ALG5: variants seen among roughly 807,000 people sequenced by gnomAD.
The protein encoded by ALG5 is dolichyl-phosphate beta-glucosyltransferase.
In ALG5, 26 loss-of-function variants were observed where a neutral mutation model predicts 51.8. The ratio of observed to expected loss-of-function variants is 0.50; its 90% CI spans 0.37 to 0.70. ALG5 has a LOEUF of 0.70. Ranked by LOEUF, ALG5 falls within the 30% of genes least tolerant of loss-of-function variation. The probability of loss-of-function intolerance (pLI) is 0.00; values close to 1 mark genes in which losing one functional copy is unlikely to be tolerated. For synonymous variants in ALG5, 141 were observed against 136.1 expected, an observed-to-expected ratio of 1.04 and a Z score of -0.25; for missense variants, 311 against 399.3, an observed-to-expected ratio of 0.78 and a Z score of 1.88.
chr13:36,996,531 G>A (rs770155863), intron 1 of ALG5, among the ~76,000 whole-genome samples: 6 of 151,968 alleles, frequency 3.9e-5, no homozygotes, highest in Non-Finnish European at 7.4e-5. Context: ...GGCTCTCAGT[G>A]GCCTATGATG....
At chr13:36,965,023 C>G (rs2058886226) in intron 8 of ALG5, among the ~76,000 whole-genome samples, 1 of 151,840 alleles carries the variant, frequency 6.6e-6, no homozygotes, top group East Asian at 1.9e-4. Context: ...ATATAAAACA[C>G]TTTTTCAAGA....
At chr13:36,992,034 A>G (rs2059027753) in intron 4 of ALG5, among the ~76,000 whole-genome samples, 1 of 152,198 alleles carries the variant, frequency 6.6e-6, no homozygotes, top group East Asian at 1.9e-4. Context: ...GAGACTGAAA[A>G]TGATATGGAT....
intron 4 of ALG5, 108 bp downstream of exon 4, chr13:36,993,496 G>A: frequency 1.1e-6 from 1 of 890,130 alleles, no homozygotes; most frequent in Non-Finnish European, 1.9e-6. Context: ...AATGGAGAGT[G>A]TTAGGCACAG....
At chr13:36,951,818 C>G (rs1245592128) in intron 9 of ALG5, among the ~76,000 whole-genome samples, 1 of 152,154 alleles carries the variant, frequency 6.6e-6, no homozygotes, top group East Asian at 1.9e-4. Context: ...TGGAGTTTCA[C>G]TCGTTGCCCA....
intron 8 of ALG5, among the ~76,000 whole-genome samples, chr13:36,964,686 G>A (rs1283995729): frequency 1.3e-5 from 2 of 151,982 alleles, no homozygotes; most frequent in African/African-American, 2.4e-5. Flanking sequence ...GTCTGTAATC[G>A]CAGCACTTTG....
At chr13:36,950,851 G>T (rs576416730) in intron 9 of ALG5, among the ~76,000 whole-genome samples, 2 of 152,150 alleles carry the variant, frequency 1.3e-5, no homozygotes, top group East Asian at 3.9e-4. Context: ...CTCCCAAAGT[G>T]CTGGGATTAC....
At chr13:36,960,735 G>T (rs576669809) in intron 8 of ALG5, among the ~76,000 whole-genome samples, 1 of 151,116 alleles carries the variant, frequency 6.6e-6, no homozygotes, top group Non-Finnish European at 1.5e-5. Flanking sequence ...TCCACCTCCC[G>T]GGTTCAAGTG....
chr13:36,954,616 TA>T, intron 8 of ALG5, among the ~76,000 whole-genome samples: 1 of 152,202 alleles, frequency 6.6e-6, no homozygotes, highest in East Asian at 1.9e-4. Context: ...ACATTTTAAC[TA>T]AAATACCAAG....
intron 7 of ALG5, among the ~76,000 whole-genome samples, chr13:36,966,973 AGCACTCTG>A (rs1484712556): frequency 1.3e-5 from 2 of 152,164 alleles, no homozygotes; most frequent in African/African-American, 2.4e-5. Flanking sequence ...CTGTAATCCC[AGCACTCTG>A]GGAGGCCGAG....
At chr13:36,963,122 A>AT (rs1240249074) in intron 8 of ALG5, among the ~76,000 whole-genome samples, 10 of 151,490 alleles carry the variant, frequency 6.6e-5, no homozygotes, top group East Asian at 1.9e-4. Context: ...AATTAAAAAA[A>AT]TTTTTTTTTC....
intron 8 of ALG5, among the ~76,000 whole-genome samples, chr13:36,953,841 A>G (rs1259722599): frequency 6.6e-6 from 1 of 152,206 alleles, no homozygotes; most frequent in African/African-American, 2.4e-5. Flanking sequence ...GAAAAAAGAA[A>G]TAATTTCAAT....
intron 6 of ALG5, among the ~76,000 whole-genome samples, chr13:36,979,243 C>G (rs2058967962): frequency 6.6e-6 from 1 of 152,222 alleles, no homozygotes; most frequent in Admixed American, 6.5e-5. Context: ...GTCTCAAACG[C>G]CTGTCCTCAG....
At chr13:36,988,470 G>A (rs943678528) in intron 5 of ALG5, among the ~76,000 whole-genome samples, 9 of 152,140 alleles carry the variant, frequency 5.9e-5, no homozygotes, top group Non-Finnish European at 1.3e-4. Flanking sequence ...TTTACTAAAT[G>A]GCGTGCTGTT....
At chr13:36,993,796 A>G (rs892244519) in intron 3 of ALG5, 124 bp from the exon 4 acceptor site, 2 of 727,712 alleles carry the variant, frequency 2.7e-6, no homozygotes, top group Admixed American at 2.4e-5. Context: ...GAATATAAAT[A>G]TTAGTGCACA....
At chr13:36,981,020 T>C (rs2058976982) in intron 6 of ALG5, among the ~76,000 whole-genome samples, 1 of 152,108 alleles carries the variant, frequency 6.6e-6, no homozygotes. Flanking sequence ...AAAATGTAAA[T>C]GCCCTATTTT....
chr13:36,995,553 A>G lies in ALG5; in HGVS notation c.110T>C (p.Leu37Pro). 1 of 1,605,692 alleles carries G rather than the reference A, an allele frequency of 6.2e-7. No individual in the cohort carries two copies. ...AFTTATKMPA[L>P]HRHEEEKFFL... ...GAATTTCTCTTCTTCATGTCGATGG[A>G]GTGCTGGCATTTTTGTAGCAGTTGT... The change falls in exon 2 of 10, where the codon CTC becomes CCC. Residue 37 changes from leucine (L) to proline (P), a missense_variant. Physicochemically the swap from Leu to Pro is moderately conservative, Grantham distance 98 (BLOSUM62 -3). Transcript: ENST00000239891.
chr13:36,951,351 T>C (rs978621589), intron 9 of ALG5, among the ~76,000 whole-genome samples: 12 of 152,214 alleles, frequency 7.9e-5, no homozygotes, highest in African/African-American at 2.9e-4. Flanking sequence ...AGCTAAGATT[T>C]TGTAAACTCA....
chr13:36,994,842 T>C, intron 3 of ALG5, 147 bp downstream of exon 3: 5 of 675,336 alleles, frequency 7.4e-6, no homozygotes, highest in Admixed American at 2.9e-5. Context: ...GCCGGGCTTA[T>C]GGATAGCAAC....
Position 36,967,743 on chromosome 13 carries a change from C to T in ALG5, c.622-2017G>A, listed in dbSNP as rs17054769. The stretch of plus-strand genomic sequence containing the variant: ...AATCTCACAACAGCTTGCTCAGTGC[C>T]TTCCATACAAAATACTTCCAATAAA... On this transcript the variant is annotated intron_variant, in intron 7 of 9. Transcript: ENST00000239891. 4,481 of 1,015,494 alleles carry T rather than the reference C, an allele frequency of 4.4e-3. 134 individuals carry two copies. In the African/African-American group the frequency reaches 0.066, roughly 15 times the overall value. 62.9% of individuals were successfully genotyped at this position (1,015,494 alleles called of 1,614,324 possible).
Sources: allele counts gnomAD v4.1 joint callset (sites outside exome capture counted in the v4.1 genomes callset), GRCh38; gene constraint gnomAD v4.1.1; transcripts MANE v1.5; gene names NCBI Gene and HGNC (gene_info 2026-07-23, HGNC 2026-07-21).